Variants in ROR1 observed in about 807,000 individuals in gnomAD.
ROR1 encodes the protein ROR family WNT receptor 1.
In ROR1, 19 loss-of-function variants were observed where a neutral mutation model predicts 78.8. The observed-to-expected ratio is 0.24, with a 90% CI of 0.17 to 0.35. ROR1 has a LOEUF of 0.35. ROR1 is among the 10% of genes least tolerant of loss of function. ROR1 has a pLI of 1.00. For synonymous variants in ROR1, 386 were observed against 433.6 expected, an observed-to-expected ratio of 0.89 and a Z score of 1.36; for missense variants, 917 against 1,177.8, an observed-to-expected ratio of 0.78 and a Z score of 3.24.
intron 1 of ROR1, among the ~76,000 whole-genome samples, chr1:63,899,101 A>G (rs1030363181): frequency 3.3e-5 from 5 of 152,008 alleles, no homozygotes; most frequent in African/African-American, 1.2e-4. Flanking sequence ...GGTTCTGTGC[A>G]GCCCAGACAC....
chr1:64,006,450 T>C (rs966238616), intron 1 of ROR1, among the ~76,000 whole-genome samples: 1 of 152,056 alleles, frequency 6.6e-6, no homozygotes, highest in Non-Finnish European at 1.5e-5. Context: ...AGACTGGAGT[T>C]GGGGTTGGAG....
rs867293116 is a variant in ROR1 at position 63,961,686 on chromosome 1, G to C, written c.92-47619G>C. 6.6e-5 allele frequency among the ~76,000 whole-genome samples: 10 copies of C among 152,308 alleles called. No individual in the cohort carries two copies. The Middle Eastern group carries it at 0.014, about 207-fold the overall frequency. ...AATCGTGGTTACCAGAGGCTGGGAA[G>C]GGTAGGGGAGAGTGGAGAGGGATAT... On this transcript the variant is annotated intron_variant, in intron 1 of 8. Transcript: ENST00000371079.
intron 1 of ROR1, among the ~76,000 whole-genome samples, chr1:63,782,840 C>G (rs1279615968): frequency 6.6e-6 from 1 of 151,976 alleles, no homozygotes; most frequent in African/African-American, 2.4e-5. Flanking sequence ...CTTTTAGGGG[C>G]AGTAAAATAG....
At position 63,979,898 on chromosome 1, in the gene ROR1, A is replaced by G. The variant is rs931432945; in HGVS notation, c.92-29407A>G. 1.4e-4 allele frequency among the ~76,000 whole-genome samples: 22 copies of G among 152,354 alleles called. 1 individual carries two copies. Among genetic ancestry groups the G allele is most frequent in the African/African-American group, 4.6e-4 (19 of 41,588 alleles). Reference sequence around the variant, plus strand: ...AATTCTAGTTATGAAAATAAAATACATATGCACAAAACAACAATGCACATC... The same window carrying G: ...AATTCTAGTTATGAAAATAAAATACGTATGCACAAAACAACAATGCACATC... On this transcript the variant is annotated intron_variant, in intron 1 of 8. Transcript: ENST00000371079.
intron 4 of ROR1, among the ~76,000 whole-genome samples, chr1:64,062,571 A>G (rs911619249): frequency 6.6e-6 from 1 of 152,116 alleles, no homozygotes; most frequent in African/African-American, 2.4e-5. Context: ...TCGACCTCCC[A>G]AAGTGCTGGG....
intron 1 of ROR1, among the ~76,000 whole-genome samples, chr1:63,860,590 C>CACAT (rs1553138063): frequency 0.11 from 16,239 of 148,776 alleles, 1,120 homozygotes; most frequent in Non-Finnish European, 0.14. Flanking sequence ...CACACACACA[C>CACAT]ACACACACAC....
At chr1:63,819,907 G>T (rs1644914010) in intron 1 of ROR1, among the ~76,000 whole-genome samples, 1 of 152,128 alleles carries the variant, frequency 6.6e-6, no homozygotes, top group Admixed American at 6.6e-5. Flanking sequence ...GTAGGAAATG[G>T]GGAAACTGAG....
chr1:63,780,157 C>T (rs867649351), intron 1 of ROR1, among the ~76,000 whole-genome samples: 1 of 151,852 alleles, frequency 6.6e-6, no homozygotes, highest in African/African-American at 2.4e-5. Context: ...TGCTTCTCTC[C>T]ATAGAACCAT....
chr1:63,846,408 C>T (rs1027356994), intron 1 of ROR1, among the ~76,000 whole-genome samples: 1 of 152,042 alleles, frequency 6.6e-6, no homozygotes, highest in Non-Finnish European at 1.5e-5. Flanking sequence ...TAACCTCAGC[C>T]CAAGACTTAA....
chr1:64,026,009 A>G lies in ROR1; in HGVS notation c.163+16633A>G, dbSNP rs76912481. Among the ~76,000 whole-genome samples, 1,070 of 152,326 alleles carry G rather than the reference A, an allele frequency of 7.0e-3. 18 individuals are homozygous for G. The highest frequency in any genetic ancestry group is 0.025 in the African/African-American group (1,019 of 41,566). Reference sequence around the variant, plus strand: ...AATACCACCTGTTCCCCCAAAAGGTATGGAAATAATTTTTTAAGTGGCGTT... The same window carrying G: ...AATACCACCTGTTCCCCCAAAAGGTGTGGAAATAATTTTTTAAGTGGCGTT... On this transcript the variant is annotated intron_variant, in intron 2 of 8. Coordinates refer to ENST00000371079, the MANE Select transcript of ROR1 (RefSeq NM_005012.4).
At position 64,053,411 on chromosome 1, in the gene ROR1, AATG is replaced by A. The variant is rs1646849176; in HGVS notation, c.482+2698_482+2700del. On this transcript the variant is annotated intron_variant, in intron 4 of 8. Transcript: ENST00000371079. ...TCAGGTTTCCACATGAAGCTTTCAG[AATG>A]ATATTTTAGTTTACAGTAGGAACAA... Among the ~76,000 whole-genome samples, 11 of 152,228 alleles carry A rather than the reference AATG, an allele frequency of 7.2e-5. No homozygotes were observed. The South Asian group carries it at 2.1e-3, about 29-fold the overall frequency.
At chr1:63,958,499 A>T (rs1646002025) in intron 1 of ROR1, among the ~76,000 whole-genome samples, 1 of 152,214 alleles carries the variant, frequency 6.6e-6, no homozygotes, top group Non-Finnish European at 1.5e-5. Flanking sequence ...GAACATATTT[A>T]GAAAGAATTG....
intron 1 of ROR1, among the ~76,000 whole-genome samples, chr1:63,787,612 C>T (rs984764376): frequency 6.6e-5 from 10 of 151,750 alleles, no homozygotes; most frequent in Admixed American, 1.3e-4. Flanking sequence ...CTACAACCTC[C>T]GCCTCCCAGG....
Position 64,140,446 on chromosome 1 carries a change from C to T in ROR1, c.928+20C>T. 1 of 1,605,874 alleles carries T rather than the reference C, an allele frequency of 6.2e-7. No homozygotes were observed. Among genetic ancestry groups the T allele is most frequent in the African/African-American group, 1.3e-5 (1 of 74,810 alleles). On this transcript the variant is annotated intron_variant, in intron 6 of 8. Transcript: ENST00000371079. The stretch of plus-strand genomic sequence containing the variant: ...ATAAAAGTAAGTGGTAGCCCCTGAC[C>T]TTCTGTGCTCTTCTAAGGGTCAGCA...
intron 8 of ROR1, among the ~76,000 whole-genome samples, chr1:64,174,995 T>A (rs1650338323): frequency 6.7e-6 from 1 of 149,608 alleles, no homozygotes; most frequent in African/African-American, 2.4e-5. Flanking sequence ...ATGGGAAGAT[T>A]CGCCTATTGT....
intron 1 of ROR1, among the ~76,000 whole-genome samples, chr1:63,836,468 C>T (rs775522154): frequency 2.0e-5 from 3 of 151,964 alleles, no homozygotes; most frequent in Non-Finnish European, 4.4e-5. Flanking sequence ...TTTCCTATAC[C>T]CAGTTTCTTA....
intron 1 of ROR1, chr1:63,789,072 A>G (rs1486609607): frequency 3.2e-6 from 2 of 620,758 alleles, no homozygotes; most frequent in Non-Finnish European, 6.2e-6. Flanking sequence ...TCGCTTACCT[A>G]TGCCCATGTG....
chr1:63,788,006 G>A (rs1032679838), intron 1 of ROR1, among the ~76,000 whole-genome samples: 1 of 152,212 alleles, frequency 6.6e-6, no homozygotes, highest in African/African-American at 2.4e-5. Flanking sequence ...TGGTGTGTAG[G>A]AGAGAATGAC....
At chr1:63,932,549 C>T (rs1240327508) in intron 1 of ROR1, among the ~76,000 whole-genome samples, 1 of 152,120 alleles carries the variant, frequency 6.6e-6, no homozygotes, top group Non-Finnish European at 1.5e-5. Context: ...TCTACTGCCC[C>T]CAAAGCCAAG....
Sources: allele counts gnomAD v4.1 joint callset (sites outside exome capture counted in the v4.1 genomes callset), GRCh38; gene constraint gnomAD v4.1.1; transcripts MANE v1.5; gene names NCBI Gene and HGNC (gene_info 2026-07-23, HGNC 2026-07-21).